FAM219A: variants seen among roughly 807,000 people sequenced by gnomAD.
The protein encoded by FAM219A is family with sequence similarity 219 member A, also known as protein FAM219A.
FAM219A carries 7 observed loss-of-function variants against 23.4 expected under a neutral mutation model. The observed-to-expected ratio is 0.30, with a 90% CI of 0.17 to 0.56. The LOEUF is 0.56. FAM219A is among the 20% of genes least tolerant of loss of function. The pLI is 0.92. For missense variants in FAM219A, 166 were observed against 246.9 expected (o/e 0.67, Z 2.20); for synonymous variants, 93 against 99.0 (o/e 0.94, Z 0.36).
At chr9:34,431,776 G>C (rs930265653) in intron 1 of FAM219A, among the ~76,000 whole-genome samples, 1 of 152,108 alleles carries the variant, frequency 6.6e-6, no homozygotes, top group Non-Finnish European at 1.5e-5. Flanking sequence ...AAAAAGTCCA[G>C]ATAAGCACAA....
At chr9:34,413,248 A>T (rs906435463) in intron 1 of FAM219A, among the ~76,000 whole-genome samples, 18 of 151,964 alleles carry the variant, frequency 1.2e-4, no homozygotes, top group African/African-American at 4.1e-4. Context: ...AAGTTAGGGG[A>T]GTTCCTTCCT....
At chr9:34,421,376 G>C (rs547826187) in intron 1 of FAM219A, among the ~76,000 whole-genome samples, 1 of 152,216 alleles carries the variant, frequency 6.6e-6, no homozygotes, top group East Asian at 1.9e-4. Flanking sequence ...GCCAGTTGCT[G>C]GTTATGCATC....
rs912630405 is a variant in FAM219A, at chr9:34,406,491, G to A, written c.61-527C>T. On this transcript the variant is annotated intron_variant, in intron 1 of 5. Transcript: ENST00000651358. ...AGCCACACCAGCCTTCAAGGCTACAGCCACTGGACAAAAAAATAGTTCTAA... is the reference window on the plus strand; with the variant it reads ...AGCCACACCAGCCTTCAAGGCTACAACCACTGGACAAAAAAATAGTTCTAA... 3.0e-6 allele frequency: 3 copies of A among 985,266 alleles called. No homozygotes were observed. The African/African-American group carries it at 5.2e-5, about 17-fold the overall frequency. The allele number at this position is 985,266 out of a possible 1,614,324, so 61.0% of individuals were successfully genotyped here.
At position 34,400,877 on chromosome 9, in the gene FAM219A, G is replaced by A. The variant is rs948358341; in HGVS notation, c.*87C>T. The stretch of plus-strand genomic sequence containing the variant: ...CTGTAGGGGCGCGGGGCCGGGGGCA[G>A]GCAGACGAGCTGGGAAGGGGTCGGC... On this transcript the variant is annotated 3_prime_UTR_variant, in exon 6 of 6. Coordinates refer to ENST00000651358, the MANE Select transcript of FAM219A (RefSeq NM_001184940.2). The A allele has an allele frequency of 1.5e-6, 2 of 1,369,622 alleles. No homozygotes were observed. The highest frequency in any genetic ancestry group is 3.0e-5 in the African/African-American group (2 of 66,652). 84.8% of individuals were successfully genotyped at this position (1,369,622 alleles called of 1,614,324 possible).
intron 1 of FAM219A, among the ~76,000 whole-genome samples, chr9:34,437,448 A>C (rs778905332): frequency 1.3e-5 from 2 of 152,190 alleles, no homozygotes; most frequent in Non-Finnish European, 2.9e-5. Flanking sequence ...CTAGAACTGA[A>C]GCGTGGCTTC....
chr9:34,456,781 T>G (rs1823746288), intron 1 of FAM219A, among the ~76,000 whole-genome samples: 1 of 152,190 alleles, frequency 6.6e-6, no homozygotes, highest in Non-Finnish European at 1.5e-5. Context: ...TATTGTATGC[T>G]TCTGTAAAAC....
chr9:34,425,056 C>T (rs1310891443), intron 1 of FAM219A, among the ~76,000 whole-genome samples: 3 of 152,146 alleles, frequency 2.0e-5, no homozygotes, highest in Non-Finnish European at 4.4e-5. Flanking sequence ...TCTACCCCCT[C>T]GGCCTCCCAA....
chr9:34,418,944 G>A (rs561428198), intron 1 of FAM219A, among the ~76,000 whole-genome samples: 2 of 152,072 alleles, frequency 1.3e-5, no homozygotes, highest in South Asian at 2.1e-4. Context: ...GTGTAGTGTT[G>A]CACACCTGTT....
chr9:34,435,509 G>A (rs1588060977), intron 1 of FAM219A, among the ~76,000 whole-genome samples: 1 of 152,130 alleles, frequency 6.6e-6, no homozygotes, highest in African/African-American at 2.4e-5. Flanking sequence ...GAACATGAAA[G>A]TTCTCCTATA....
chr9:34,425,465 A>T (rs1822425738), intron 1 of FAM219A, among the ~76,000 whole-genome samples: 1 of 152,184 alleles, frequency 6.6e-6, no homozygotes, highest in Admixed American at 6.5e-5. Flanking sequence ...GGGCAACAAG[A>T]ACAAAACTCT....
At position 34,401,674 on chromosome 9, in the gene FAM219A, A is replaced by G; in HGVS notation, c.391T>C (p.Ser131Pro). The change falls in exon 5 of 6, where the codon TCT becomes CCT. Residue 131 changes from serine (S) to proline (P), a missense_variant. Ser to Pro is a moderately conservative substitution (Grantham distance 74). This residue lies in a region of FAM219A where 72 missense variants were observed against 131.0 expected (regional missense o/e 0.55). Transcript: ENST00000651358. Reference sequence around the variant, plus strand: ...AAGGGGTAGGGGCTCACCTCAGCAGAGGAGTAGCCGGAGGAGGAGTATCTA... The same window carrying G: ...AAGGGGTAGGGGCTCACCTCAGCAGGGGAGTAGCCGGAGGAGGAGTATCTA... The part of the protein sequence containing the change: ...MSRYSSSGYS[S>P]AEQINQDLNI... 1 of 1,608,342 alleles carries G rather than the reference A, an allele frequency of 6.2e-7. No individual in the cohort carries two copies. Among genetic ancestry groups the G allele is most frequent in the Non-Finnish European group, 8.5e-7 (1 of 1,178,590 alleles).
chr9:34,438,927 C>T (rs572248793), intron 1 of FAM219A, among the ~76,000 whole-genome samples: 2 of 152,362 alleles, frequency 1.3e-5, no homozygotes, highest in African/African-American at 4.8e-5. Context: ...ACTGCTCATT[C>T]TTTGGGTCCA....
rs78070810 is a variant in FAM219A, at chr9:34,435,723, C to T, written c.60+22481G>A. Among the ~76,000 whole-genome samples the T allele has an allele frequency of 3.3e-3, 503 of 152,272 alleles. 2 individuals carry two copies. Among genetic ancestry groups the T allele is most frequent in the African/African-American group, 0.011 (473 of 41,558 alleles). On this transcript the variant is annotated intron_variant, in intron 1 of 5. Transcript: ENST00000651358. ...ATGTCAATTCATATTAGATTTACATCCTCCTTTTAAAAGGCTGCCCATATG... is the reference window on the plus strand; with the variant it reads ...ATGTCAATTCATATTAGATTTACATTCTCCTTTTAAAAGGCTGCCCATATG...
intron 1 of FAM219A, among the ~76,000 whole-genome samples, chr9:34,432,459 G>A (rs1344207985): frequency 1.3e-5 from 2 of 152,122 alleles, no homozygotes; most frequent in East Asian, 3.8e-4. Flanking sequence ...CATTTTTCTG[G>A]AAGCTATTTT....
intron 1 of FAM219A, among the ~76,000 whole-genome samples, chr9:34,426,591 T>C (rs375832546): frequency 2.6e-5 from 4 of 152,176 alleles, no homozygotes; most frequent in African/African-American, 9.7e-5. Flanking sequence ...TCACTGGACG[T>C]AGTAATGTAA....
chr9:34,438,371 A>C (rs1029172250), intron 1 of FAM219A, among the ~76,000 whole-genome samples: 2 of 152,238 alleles, frequency 1.3e-5, no homozygotes, highest in Non-Finnish European at 2.9e-5. Context: ...CACCTGCAGC[A>C]CCGGTGCGGG....
intron 1 of FAM219A, among the ~76,000 whole-genome samples, chr9:34,446,753 C>G (rs1588073207): frequency 6.6e-6 from 1 of 152,198 alleles, no homozygotes; most frequent in South Asian, 2.1e-4. Context: ...ATAGGCCAAA[C>G]AGCTCAGTTC....
At chr9:34,413,248 AG>A (rs1208162160) in intron 1 of FAM219A, among the ~76,000 whole-genome samples, 1 of 151,964 alleles carries the variant, frequency 6.6e-6, no homozygotes, top group Non-Finnish European at 1.5e-5. Context: ...AAGTTAGGGG[AG>A]TTCCTTCCTA....
At chr9:34,402,591 G>A in intron 3 of FAM219A, 114 bp downstream of exon 3, 3 of 1,548,000 alleles carry the variant, frequency 1.9e-6, no homozygotes, top group Middle Eastern at 1.8e-4. Context: ...TGTTAAGGCT[G>A]TCTCCTCTCA....
Sources: gnomAD v4.1 joint callset for allele counts (sites outside exome capture counted in the v4.1 genomes callset) on GRCh38, gnomAD v4.1.1 for gene constraint, gnomAD v4.1.1 regional missense constraint, MANE v1.5 for transcripts, NCBI Gene and HGNC (gene_info 2026-07-23, HGNC 2026-07-21) for gene names.